Variants in PIAS2 observed in about 807,000 individuals in gnomAD.
PIAS2 encodes the protein E3 SUMO-protein ligase PIAS2.
Under a neutral mutation model 69.7 loss-of-function variants are expected in PIAS2, and 19 were observed. That is an observed-to-expected ratio of 0.27 (90% CI 0.19 to 0.40). PIAS2 has a LOEUF of 0.40. PIAS2 is among the 10% of genes least tolerant of loss of function. PIAS2 has a pLI of 1.00. For synonymous variants in PIAS2, 261 were observed against 263.2 expected (o/e 0.99, Z 0.08); for missense variants, 624 against 757.0 (o/e 0.82, Z 2.06).
intron 9 of PIAS2, among the ~76,000 whole-genome samples, chr18:46,835,313 T>C (rs2044273849): frequency 6.6e-6 from 1 of 152,230 alleles, no homozygotes; most frequent in Non-Finnish European, 1.5e-5. Context: ...TTCTTTGTGC[T>C]AGTGTTCCAA....
intron 1 of PIAS2, among the ~76,000 whole-genome samples, chr18:46,913,182 C>T (rs2057446778): frequency 6.6e-6 from 1 of 152,122 alleles, no homozygotes. Flanking sequence ...CCTCTAACCT[C>T]AAATCCCCCA....
At chr18:46,829,162 C>A (rs537237367) in intron 10 of PIAS2, among the ~76,000 whole-genome samples, 3 of 152,142 alleles carry the variant, frequency 2.0e-5, no homozygotes, top group African/African-American at 4.8e-5. Context: ...TTCACCTGTG[C>A]GTTTCAATTA....
At chr18:46,910,736 G>A (rs1439537088) in intron 1 of PIAS2, among the ~76,000 whole-genome samples, 1 of 152,212 alleles carries the variant, frequency 6.6e-6, no homozygotes, top group African/African-American at 2.4e-5. Context: ...ATCTTCTACA[G>A]GAGAATAACC....
chr18:46,884,782 T>G (rs1399693347), intron 2 of PIAS2, among the ~76,000 whole-genome samples: 1 of 152,042 alleles, frequency 6.6e-6, no homozygotes, highest in African/African-American at 2.4e-5. Context: ...CCGGGCGTGG[T>G]GGCACATGCC....
chr18:46,832,156 C>T (rs747289342), intron 9 of PIAS2, among the ~76,000 whole-genome samples: 3 of 152,008 alleles, frequency 2.0e-5, no homozygotes, highest in Admixed American at 6.6e-5. Context: ...GTGGCTCATG[C>T]CTGTAATCCC....
chr18:46,829,451 G>C (rs896841166), intron 10 of PIAS2, among the ~76,000 whole-genome samples: 1 of 152,174 alleles, frequency 6.6e-6, no homozygotes, highest in Admixed American at 6.5e-5. Context: ...AAATTCATTT[G>C]TGACTTTTTG....
chr18:46,881,727 C>G (rs971013007), intron 2 of PIAS2, among the ~76,000 whole-genome samples: 4 of 152,190 alleles, frequency 2.6e-5, no homozygotes, highest in South Asian at 2.1e-4. Flanking sequence ...CTACTTATTT[C>G]GAATGTGAAC....
In PIAS2 at chr18:46,861,149, G is replaced by A. The variant is rs114029862; in HGVS notation, c.584+3015C>T. Among the ~76,000 whole-genome samples the A allele has an allele frequency of 2.6e-3, 389 of 152,152 alleles. 1 individual carries two copies. Among genetic ancestry groups the A allele is most frequent in the African/African-American group, 8.6e-3 (357 of 41,498 alleles). Reference sequence around the variant, plus strand: ...ACAAAAATTAGCCAGGCATGGTGAAGAATCGCTTGAACCTGGGAGGCAGAG... The same window carrying A: ...ACAAAAATTAGCCAGGCATGGTGAAAAATCGCTTGAACCTGGGAGGCAGAG... On this transcript the variant is annotated intron_variant, in intron 3 of 13. Coordinates refer to ENST00000585916, the MANE Select transcript of PIAS2 (RefSeq NM_004671.5).
At chr18:46,880,591 C>T (rs2052069650) in intron 2 of PIAS2, among the ~76,000 whole-genome samples, 1 of 152,008 alleles carries the variant, frequency 6.6e-6, no homozygotes, top group African/African-American at 2.4e-5. Context: ...AGACCCCCGT[C>T]TACTAAAAAA....
intron 1 of PIAS2, among the ~76,000 whole-genome samples, chr18:46,902,824 G>A (rs1406417903): frequency 1.3e-5 from 2 of 152,156 alleles, no homozygotes; most frequent in Non-Finnish European, 2.9e-5. Context: ...TTACAACTTA[G>A]CTAGGACTGA....
At chr18:46,902,655 T>C (rs867304472) in intron 1 of PIAS2, among the ~76,000 whole-genome samples, 4 of 152,194 alleles carry the variant, frequency 2.6e-5, no homozygotes, top group Admixed American at 6.5e-5. Flanking sequence ...CAAACCGATA[T>C]ATAGGTTTAA....
Position 46,812,194 on chromosome 18 carries a change from A to C in PIAS2, c.*239T>G. On this transcript the variant is annotated 3_prime_UTR_variant, in exon 14 of 14. Transcript: ENST00000585916. ...AGTGAAATCCATCTCTCAGGAAGAT[A>C]CAGTTATGGTTGAATGTATCTGATG... 1 of 355,838 alleles carries C rather than the reference A, an allele frequency of 2.8e-6. No homozygotes were observed. Among genetic ancestry groups the C allele is most frequent in the Admixed American group, 4.2e-5 (1 of 23,750 alleles). 22.0% of individuals were successfully genotyped at this position (355,838 alleles called of 1,614,324 possible).
At position 46,889,248 on chromosome 18, in the gene PIAS2, A is replaced by G. The variant is rs140227915; in HGVS notation, c.499+1332T>C. Among the ~76,000 whole-genome samples the G allele has an allele frequency of 5.8e-4, 88 of 152,352 alleles. 2 individuals carry two copies. The East Asian group carries it at 0.012, about 21-fold the overall frequency. On this transcript the variant is annotated intron_variant, in intron 2 of 13. Transcript: ENST00000585916. Reference sequence around the variant, plus strand: ...AAATAAACAAATTGGAATTTCATGAAAAAATGTTAAGTTGTACATCAAAAG... The same window carrying G: ...AAATAAACAAATTGGAATTTCATGAGAAAATGTTAAGTTGTACATCAAAAG...
At chr18:46,878,894 T>C (rs556548485) in intron 2 of PIAS2, among the ~76,000 whole-genome samples, 1 of 152,206 alleles carries the variant, frequency 6.6e-6, no homozygotes, top group African/African-American at 2.4e-5. Context: ...AAAACAAGAA[T>C]GCTTCCTAGC....
upstream of PIAS2, among the ~76,000 whole-genome samples, chr18:46,918,371 T>A (rs916208408): frequency 1.3e-5 from 2 of 152,192 alleles, no homozygotes; most frequent in South Asian, 2.1e-4. Flanking sequence ...ATCAGCCTCC[T>A]ACCTACCGCC....
chr18:46,843,904 T>C (rs539133870), intron 8 of PIAS2, 150 bp downstream of exon 8: 1 of 503,970 alleles, frequency 2.0e-6, no homozygotes, highest in South Asian at 4.6e-5. Context: ...TACAAAGAAT[T>C]GTGACTTAAT....
chr18:46,863,785 T>C (rs2049016644), intron 3 of PIAS2, among the ~76,000 whole-genome samples: 1 of 152,220 alleles, frequency 6.6e-6, no homozygotes, highest in South Asian at 2.1e-4. Flanking sequence ...CTGAATTGTG[T>C]ATCCCCAAAA....
chr18:46,861,737 G>C (rs762613394), intron 3 of PIAS2, among the ~76,000 whole-genome samples: 1 of 152,218 alleles, frequency 6.6e-6, no homozygotes, highest in South Asian at 2.1e-4. Flanking sequence ...AAAGTGTCAC[G>C]CTGTGAAAGA....
At chr18:46,867,945 A>C (rs1282314949) in intron 2 of PIAS2, among the ~76,000 whole-genome samples, 3 of 152,230 alleles carry the variant, frequency 2.0e-5, no homozygotes, top group Non-Finnish European at 4.4e-5. Context: ...TGCTATAAAG[A>C]AGCCCAAATT....
Sources: gnomAD v4.1 joint callset for allele counts (sites outside exome capture counted in the v4.1 genomes callset) on GRCh38, gnomAD v4.1.1 for gene constraint, MANE v1.5 for transcripts, NCBI Gene and HGNC (gene_info 2026-07-23, HGNC 2026-07-21) for gene names.